Variants in ARID1A observed in about 807,000 individuals in gnomAD.
ARID1A encodes the protein AT-rich interaction domain 1A.
Under a neutral mutation model 212.6 loss-of-function variants are expected in ARID1A, and 20 were observed. The observed-to-expected ratio is 0.09, with a 90% CI of 0.07 to 0.14. The LOEUF (loss-of-function observed/expected upper bound fraction) is 0.14. Ranked by LOEUF, ARID1A falls within the 10% of genes least tolerant of loss-of-function variation. The pLI, the probability that ARID1A is intolerant of heterozygous loss-of-function variation, is 1.00. For missense variants in ARID1A, 2,587 were observed against 3,059.0 expected (o/e 0.85, Z 3.64); for synonymous variants, 1,376 against 1,222.1 (o/e 1.13, Z -2.63).
At chr1:26,764,992 T>G (rs2081025378) in intron 8 of ARID1A, 1 of 143,750 alleles carries the variant, frequency 7.0e-6, no homozygotes, top group Non-Finnish European at 1.5e-5. Flanking sequence ...AGGTCAGAAG[T>G]TCAAGACCAG....
At chr1:26,761,205 C>T (rs1007435956) in intron 5 of ARID1A, 109 bp downstream of exon 5, 1 of 1,511,040 alleles carries the variant, frequency 6.6e-7, no homozygotes, top group Non-Finnish European at 8.9e-7. Context: ...CTCATGCCTG[C>T]ATAGTTTCCC....
At chr1:26,739,998 A>G (rs1310851300) in intron 4 of ARID1A, among the ~76,000 whole-genome samples, 11 of 151,976 alleles carry the variant, frequency 7.2e-5, no homozygotes, top group Admixed American at 3.9e-4. Context: ...TTAAAAAAAA[A>G]AAAAAAGAAA....
In ARID1A at chr1:26,766,223, C is replaced by A. The variant is rs1392166633; in HGVS notation, c.2735C>A (p.Pro912Gln). The A allele has an allele frequency of 6.2e-7, 1 of 1,612,144 alleles. No homozygotes were observed. Among genetic ancestry groups the A allele is most frequent in the Admixed American group, 1.7e-5 (1 of 59,578 alleles). ...HVAANSIQNRPPGYPNMNQGG... is the reference protein window; with the variant it reads ...HVAANSIQNRQPGYPNMNQGG... Reference sequence around the variant, plus strand: ...TCACTTTCCATCTTCTTCCTTAGGCCGCCAGGCTACCCCAATATGAATCAA... The same window carrying A: ...TCACTTTCCATCTTCTTCCTTAGGCAGCCAGGCTACCCCAATATGAATCAA... Residue 912 changes from proline to glutamine, a missense_variant and splice_region_variant, in exon 9 of 20, where the codon CCG becomes CAG. Pro to Gln is a moderately conservative substitution (Grantham distance 76). Transcript: ENST00000324856.
rs2080270576 is a variant in ARID1A at position 26,696,961 on chromosome 1, C to T, written c.558C>T (p.Ser186=). 1.4e-6 allele frequency: 2 copies of T among 1,454,086 alleles called. No homozygotes were observed. The allele number at this position is 1,454,086 out of a possible 1,614,324, so 90.1% of individuals were successfully genotyped here. The change falls in exon 1 of 20, where the codon AGC becomes AGT. Residue 186 remains serine, a synonymous_variant. Transcript: ENST00000324856. Reference sequence around the variant, plus strand: ...GCCCTGGCCTGGCAGCGCTGCAGAGCGGCGGCGGCGGGGGCCTGGAGCCCT... The same window carrying T: ...GCCCTGGCCTGGCAGCGCTGCAGAGTGGCGGCGGCGGGGGCCTGGAGCCCT... ...QQSPGLAALQ[S]GGGGGLEPYA...
At chr1:26,729,275 A>G in intron 1 of ARID1A, 1 of 224,686 alleles carries the variant, frequency 4.5e-6, no homozygotes, top group South Asian at 7.3e-5. Context: ...ATTCCCCGTC[A>G]TGGTATTGAA....
chr1:26,752,341 C>T (rs574457804), intron 4 of ARID1A, among the ~76,000 whole-genome samples: 1 of 152,332 alleles, frequency 6.6e-6, no homozygotes, highest in East Asian at 1.9e-4. Flanking sequence ...AATGTCACAG[C>T]AGTTCTGTAA....
chr1:26,747,094 C>T (rs967428327), intron 4 of ARID1A, among the ~76,000 whole-genome samples: 4 of 152,080 alleles, frequency 2.6e-5, no homozygotes, highest in Admixed American at 6.5e-5. Context: ...ATAAATCAAG[C>T]GTAGAATTAG....
At position 26,781,553 on chromosome 1, in the gene ARID1A, A is replaced by AGATCACC. The variant is rs1206385837; in HGVS notation, c.*798_*804dup. 5 of 233,438 alleles carry AGATCACC rather than the reference A, an allele frequency of 2.1e-5. No homozygotes were observed. Among genetic ancestry groups the AGATCACC allele is most frequent in the African/African-American group, 1.1e-4 (5 of 45,300 alleles). 14.5% of individuals were successfully genotyped at this position (233,438 alleles called of 1,614,324 possible). ...CTCCTTGATTGTATGAATAACCCTG[A>AGATCACC]GATCACCTCTTAGAACTGGTTTTAA... On this transcript the variant is annotated 3_prime_UTR_variant, in exon 20 of 20. Coordinates refer to ENST00000324856, the MANE Select transcript of ARID1A (RefSeq NM_006015.6).
chr1:26,713,389 T>C (rs1182899160), intron 1 of ARID1A, among the ~76,000 whole-genome samples: 1 of 151,624 alleles, frequency 6.6e-6, no homozygotes, highest in Non-Finnish European at 1.5e-5. Context: ...GGCAGAGTCT[T>C]GCTTTGTTGC....
intron 1 of ARID1A, among the ~76,000 whole-genome samples, chr1:26,726,514 C>T (rs975622307): frequency 5.9e-5 from 9 of 152,194 alleles, no homozygotes; most frequent in Non-Finnish European, 1.5e-5. Context: ...CTTGAATATT[C>T]TCATCCTTCT....
intron 1 of ARID1A, among the ~76,000 whole-genome samples, chr1:26,726,241 C>T (rs1051476666): frequency 1.3e-5 from 2 of 148,658 alleles, no homozygotes; most frequent in Non-Finnish European, 3.0e-5. Context: ...GGCTCGATCT[C>T]GGCTCGCTTC....
chr1:26,708,054 C>G (rs371461899), intron 1 of ARID1A, among the ~76,000 whole-genome samples: 4 of 152,144 alleles, frequency 2.6e-5, no homozygotes, highest in East Asian at 3.9e-4. Flanking sequence ...GTGCCTAGAG[C>G]TCTGTCCTGT....
intron 1 of ARID1A, among the ~76,000 whole-genome samples, chr1:26,714,269 G>A (rs1423250331): frequency 6.6e-6 from 1 of 152,192 alleles, no homozygotes; most frequent in Non-Finnish European, 1.5e-5. Flanking sequence ...CAGTGGTGTA[G>A]ATGAGGTTGG....
chr1:26,711,088 CCT>C (rs1401532805), intron 1 of ARID1A, among the ~76,000 whole-genome samples: 4 of 151,696 alleles, frequency 2.6e-5, no homozygotes, highest in African/African-American at 9.7e-5. Context: ...CAATTAATGC[CCT>C]CTTAGCCTCT....
intron 2 of ARID1A, among the ~76,000 whole-genome samples, chr1:26,730,542 T>G (rs531427257): frequency 6.6e-6 from 1 of 152,334 alleles, no homozygotes; most frequent in South Asian, 2.1e-4. Context: ...TATAGAAAAT[T>G]GTCTCTTTTT....
intron 4 of ARID1A, among the ~76,000 whole-genome samples, chr1:26,733,976 T>C (rs1473638071): frequency 1.3e-5 from 2 of 152,198 alleles, no homozygotes; most frequent in East Asian, 3.8e-4. Context: ...CAGAGTCCCT[T>C]AGTACCTGGT....
Position 26,774,153 on chromosome 1 carries a change from G to A in ARID1A, c.4102-176G>A. ...TTTCTACTTAAGCAAGGGAAGGGAA[G>A]AAAGAGTGGTGGTTGCTTTTGGAAA... On this transcript the variant is annotated intron_variant, in intron 17 of 19. Coordinates refer to ENST00000324856, the MANE Select transcript of ARID1A (RefSeq NM_006015.6). The surrounding 1 kb of genome is among the most constrained non-coding windows in gnomAD (Gnocchi z 5.6). 7.8e-7 allele frequency: 1 copy of A among 1,287,278 alleles called. No individual in the cohort carries two copies. Among genetic ancestry groups the A allele is most frequent in the Non-Finnish European group, 1.0e-6 (1 of 959,904 alleles). The allele number at this position is 1,287,278 out of a possible 1,614,324, so 79.7% of individuals were successfully genotyped here.
At chr1:26,777,280 G>T (rs546834667) in intron 19 of ARID1A, among the ~76,000 whole-genome samples, 60 of 152,222 alleles carry the variant, frequency 3.9e-4, no homozygotes, top group Admixed American at 5.9e-4. Flanking sequence ...GAGTGCAGTG[G>T]TGCAATCACA....
At chr1:26,723,532 T>C (rs1373510318) in intron 1 of ARID1A, among the ~76,000 whole-genome samples, 1 of 152,186 alleles carries the variant, frequency 6.6e-6, no homozygotes, top group East Asian at 1.9e-4. Context: ...CTCTCGGCTC[T>C]TTCTGGGTTA....
Sources: allele counts gnomAD v4.1 joint callset (sites outside exome capture counted in the v4.1 genomes callset), GRCh38; gene constraint gnomAD v4.1.1; non-coding constraint Gnocchi (gnomAD v3.1); transcripts MANE v1.5; gene names NCBI Gene and HGNC (gene_info 2026-07-23, HGNC 2026-07-21).